Variants in MSH3 observed in about 807,000 individuals in gnomAD.
The protein encoded by MSH3 is DNA mismatch repair protein Msh3.
MSH3 carries 106 observed loss-of-function variants against 123.3 expected under a neutral mutation model. The observed-to-expected ratio is 0.86, with a 90% CI of 0.73 to 1.01. The LOEUF (loss-of-function observed/expected upper bound fraction) is 1.01, where lower values mean the gene tolerates loss of function less well. MSH3 is among the 50% of genes least tolerant of loss of function. The pLI is 0.00. For synonymous variants in MSH3, 515 were observed against 481.4 expected, an observed-to-expected ratio of 1.07 and a Z score of -0.91; for missense variants, 1,459 against 1,347.6, an observed-to-expected ratio of 1.08 and a Z score of -1.29.
At position 80,756,317 on chromosome 5, in the gene MSH3, G is replaced by T. The variant is rs1466300100; in HGVS notation, c.1764-5229G>T. ...AATAGAGGAAATAACTGAAATGCAA[G>T]ATAATACCTGAAGAAATTACCTAGA... On this transcript the variant is annotated intron_variant, in intron 12 of 23. Coordinates refer to ENST00000265081, the MANE Select transcript of MSH3 (RefSeq NM_002439.5). Among the ~76,000 whole-genome samples the T allele has an allele frequency of 3.9e-5, 6 of 152,300 alleles. No homozygotes were observed. In the South Asian group the frequency reaches 1.2e-3, roughly 32 times the overall value.
In MSH3 at chr5:80,875,794, G is replaced by T. The variant is rs200343553; in HGVS notation, c.3346G>T (p.Ala1116Ser). 9 of 1,613,906 alleles carry T rather than the reference G, an allele frequency of 5.6e-6. No individual in the cohort carries two copies. The highest frequency in any genetic ancestry group is 7.6e-6 in the Non-Finnish European group (9 of 1,179,808). ...YFAKLWTMHNAQDLQKWTEEF... is the reference protein window; with the variant it reads ...YFAKLWTMHNSQDLQKWTEEF... ...TGCAAAGTTATGGACGATGCATAATGCACAAGACCTGCAGAAGTGGACAGA... is the reference window on the plus strand; with the variant it reads ...TGCAAAGTTATGGACGATGCATAATTCACAAGACCTGCAGAAGTGGACAGA... The change falls in exon 24 of 24, where the codon GCA becomes TCA. Residue 1116 changes from alanine to serine, a missense_variant. Physicochemically the swap from Ala to Ser is moderately conservative, Grantham distance 99. Transcript: ENST00000265081.
At chr5:80,762,370 A>T (rs535484046) in intron 13 of MSH3, among the ~76,000 whole-genome samples, 1 of 152,158 alleles carries the variant, frequency 6.6e-6, no homozygotes, top group African/African-American at 2.4e-5. Flanking sequence ...TGACATTGAG[A>T]AGTTACTATT....
intron 23 of MSH3, 51 bp from the exon 24 acceptor site, chr5:80,875,700 G>A (rs1424023140): frequency 9.3e-7 from 1 of 1,072,560 alleles, no homozygotes; most frequent in Non-Finnish European, 1.4e-6. Context: ...GAGACGTATT[G>A]TCTCCCAGCA....
intron 20 of MSH3, among the ~76,000 whole-genome samples, chr5:80,832,483 G>T (rs575941447): frequency 6.6e-6 from 1 of 152,126 alleles, no homozygotes; most frequent in South Asian, 2.1e-4. Context: ...ATACAGGGTG[G>T]TGGTGCAAGC....
At chr5:80,808,883 ACACAATC>A (rs1744954283) in intron 19 of MSH3, among the ~76,000 whole-genome samples, 1 of 130,686 alleles carries the variant, frequency 7.7e-6, no homozygotes, top group Non-Finnish European at 1.6e-5. Context: ...ATATATATAT[ACACAATC>A]TAAATTCGAA....
At chr5:80,761,482 T>A (rs1744031730) in intron 12 of MSH3, 64 bp from the exon 13 acceptor site, 2 of 1,588,296 alleles carry the variant, frequency 1.3e-6, no homozygotes, top group African/African-American at 1.3e-5. Context: ...GGCATTAGAG[T>A]GGGAAATGTC....
chr5:80,866,950 T>C (rs1451182376), intron 22 of MSH3, among the ~76,000 whole-genome samples: 1 of 152,166 alleles, frequency 6.6e-6, no homozygotes, highest in African/African-American at 2.4e-5. Context: ...CCTCTCTAGA[T>C]GTTTTTCCAC....
chr5:80,821,884 G>A (rs1262220849), intron 20 of MSH3, among the ~76,000 whole-genome samples: 2 of 152,202 alleles, frequency 1.3e-5, no homozygotes, highest in Admixed American at 6.5e-5. Flanking sequence ...GGACTTGGGG[G>A]CTAATGTAAA....
intron 8 of MSH3, among the ~76,000 whole-genome samples, chr5:80,698,930 C>T (rs1307959254): frequency 2.0e-5 from 3 of 151,920 alleles, no homozygotes; most frequent in Non-Finnish European, 4.4e-5. Flanking sequence ...TGCACATGTA[C>T]CCTAGAACTT....
chr5:80,715,587 T>C (rs1376270108), intron 8 of MSH3, among the ~76,000 whole-genome samples: 1 of 148,908 alleles, frequency 6.7e-6, no homozygotes, highest in South Asian at 2.2e-4. Context: ...AAGAACTACC[T>C]GAGACTGGGT....
chr5:80,869,319 C>A (rs1465879305), intron 22 of MSH3, among the ~76,000 whole-genome samples: 1 of 152,146 alleles, frequency 6.6e-6, no homozygotes, highest in African/African-American at 2.4e-5. Context: ...GCCAGGTAAA[C>A]ATTTTAATAA....
intron 19 of MSH3, among the ~76,000 whole-genome samples, chr5:80,803,970 A>G: frequency 6.6e-6 from 1 of 152,138 alleles, no homozygotes; most frequent in Middle Eastern, 3.4e-3. Context: ...CTGTAGTATA[A>G]CTTGAAGTCA....
At chr5:80,859,668 T>C (rs1745981052) in intron 21 of MSH3, among the ~76,000 whole-genome samples, 1 of 152,052 alleles carries the variant, frequency 6.6e-6, no homozygotes, top group African/African-American at 2.4e-5. Flanking sequence ...TTTTTCTGTC[T>C]TATGTGGTTT....
chr5:80,718,332 G>A (rs1292236264), intron 8 of MSH3, among the ~76,000 whole-genome samples: 2 of 152,156 alleles, frequency 1.3e-5, no homozygotes, highest in Non-Finnish European at 2.9e-5. Flanking sequence ...TTGCGCAGGT[G>A]AGTTGGGAAC....
At chr5:80,779,734 T>G (rs955585807) in intron 17 of MSH3, among the ~76,000 whole-genome samples, 1 of 151,744 alleles carries the variant, frequency 6.6e-6, no homozygotes, top group Admixed American at 6.6e-5. Flanking sequence ...AATTTTTTTT[T>G]TTTGTATTTT....
At chr5:80,738,302 A>G (rs552571126) in intron 10 of MSH3, among the ~76,000 whole-genome samples, 6 of 152,336 alleles carry the variant, frequency 3.9e-5, no homozygotes, top group Non-Finnish European at 8.8e-5. Context: ...ACTTTTTAGC[A>G]AGCAGGCACA....
At chr5:80,772,584 A>T (rs1352218434) in intron 15 of MSH3, among the ~76,000 whole-genome samples, 1 of 152,218 alleles carries the variant, frequency 6.6e-6, no homozygotes, top group African/African-American at 2.4e-5. Flanking sequence ...ATCAACACCT[A>T]ATAAACAAAG....
At chr5:80,833,119 T>C (rs1044035190) in intron 20 of MSH3, among the ~76,000 whole-genome samples, 2 of 152,184 alleles carry the variant, frequency 1.3e-5, no homozygotes, top group Non-Finnish European at 2.9e-5. Context: ...TGTTGACCTA[T>C]ATAAGGGTTA....
chr5:80,749,684 A>G (rs1279391768), intron 12 of MSH3, among the ~76,000 whole-genome samples: 2 of 152,324 alleles, frequency 1.3e-5, no homozygotes, highest in South Asian at 2.1e-4. Context: ...GCTAATTAAT[A>G]TATCTATCAC....
Sources: allele counts gnomAD v4.1 joint callset (sites outside exome capture counted in the v4.1 genomes callset), GRCh38; gene constraint gnomAD v4.1.1; transcripts MANE v1.5; gene names NCBI Gene and HGNC (gene_info 2026-07-23, HGNC 2026-07-21).